The following POLD1 variants were observed in gnomAD, a reference collection of about 807,000 sequenced individuals.
POLD1 encodes the protein DNA polymerase delta catalytic subunit.
In POLD1, 79 loss-of-function variants were observed where a neutral mutation model predicts 129.7. That is an observed-to-expected ratio of 0.61 (90% CI 0.51 to 0.73). The LOEUF is 0.73. Ranked by LOEUF, POLD1 falls within the 30% of genes least tolerant of loss-of-function variation. The probability of loss-of-function intolerance (pLI) is 0.00; values close to 1 mark genes in which losing one functional copy is unlikely to be tolerated. For synonymous variants in POLD1, 714 were observed against 683.3 expected (o/e 1.04, Z -0.70); for missense variants, 1,338 against 1,595.8 (o/e 0.84, Z 2.75).
chr19:50,401,349 GTGTATT>G (rs2038596917), intron 3 of POLD1, among the ~76,000 whole-genome samples: 1 of 113,740 alleles, frequency 8.8e-6, no homozygotes, highest in South Asian at 2.9e-4. Context: ...TAATATGTGT[GTGTATT>G]TGTGTATATG....
Position 50,415,545 on chromosome 19 carries a change from C to T in POLD1, c.2672C>T (p.Ala891Val). The part of the protein sequence containing the change: ...LVITKELTRA[A>V]SDYAGKQAHV... ...ATCACCAAGGAGCTGACCCGCGCGGCCTCCGACTATGCCGGCAAGCAGGCC... is the reference window on the plus strand; with the variant it reads ...ATCACCAAGGAGCTGACCCGCGCGGTCTCCGACTATGCCGGCAAGCAGGCC... Residue 891 changes from alanine (A) to valine (V), a missense_variant, in exon 21 of 27, where the codon GCC becomes GTC. Physicochemically the swap from Ala to Val is moderately conservative, Grantham distance 64. Transcript: ENST00000440232. 1 of 1,612,946 alleles carries T rather than the reference C, an allele frequency of 6.2e-7. No homozygotes were observed. Among genetic ancestry groups the T allele is most frequent in the Non-Finnish European group, 8.5e-7 (1 of 1,179,684 alleles).
intron 22 of POLD1, 143 bp from the exon 23 acceptor site, chr19:50,416,253 C>A: frequency 1.3e-6 from 1 of 798,968 alleles, no homozygotes; most frequent in Non-Finnish European, 2.0e-6. Context: ...CCGTGACCTC[C>A]GACCCCATCC....
Position 50,406,146 on chromosome 19 carries a change from C to T in POLD1, c.1243-36C>T, listed in dbSNP as rs1568625955. The T allele has an allele frequency of 6.3e-6, 10 of 1,599,676 alleles. No homozygotes were observed. The highest frequency in any genetic ancestry group is 2.2e-5 in the East Asian group (1 of 44,548). On this transcript the variant is annotated intron_variant, in intron 10 of 26. Coordinates refer to ENST00000440232, the MANE Select transcript of POLD1 (RefSeq NM_002691.4). This position sits in a 1 kb window ranked among gnomAD's most constrained non-coding sequence, Gnocchi z 5.5. ...TTCTTCAGGCTTATGTGACGGGGAC[C>T]CGCAGCCTGCTGCACACCCTGCCTC...
At chr19:50,399,636 A>G in intron 3 of POLD1, 152 bp downstream of exon 3, 1 of 638,844 alleles carries the variant, frequency 1.6e-6, no homozygotes, top group Non-Finnish European at 2.9e-6. Context: ...ATAGAGCTGT[A>G]GTGACAGAAC....
At chr19:50,392,773 A>C (rs1467271729) in intron 1 of POLD1, among the ~76,000 whole-genome samples, 1 of 152,230 alleles carries the variant, frequency 6.6e-6, no homozygotes, top group Non-Finnish European at 1.5e-5. Context: ...CACTGCACCC[A>C]GGCTGTTTGT....
intron 22 of POLD1, chr19:50,416,151 T>A: frequency 1.7e-6 from 1 of 581,178 alleles, no homozygotes; most frequent in South Asian, 2.1e-5. Context: ...ACCTCTGACC[T>A]CCTGACCCCT....
chr19:50,393,186 G>A (rs2038230621), intron 1 of POLD1, among the ~76,000 whole-genome samples: 1 of 152,124 alleles, frequency 6.6e-6, no homozygotes, highest in African/African-American at 2.4e-5. Flanking sequence ...CCATGCCCAG[G>A]TCTCCAGTGT....
At chr19:50,399,586 G>C in intron 3 of POLD1, 102 bp downstream of exon 3, 2 of 836,202 alleles carry the variant, frequency 2.4e-6, no homozygotes, top group Non-Finnish European at 4.0e-6. Flanking sequence ...GGCAGAGGCC[G>C]GGCCAGGTCA....
At chr19:50,399,187 C>T in intron 2 of POLD1, 134 bp downstream of exon 2, 8 of 1,362,892 alleles carry the variant, frequency 5.9e-6, no homozygotes, top group Non-Finnish European at 8.2e-6. Flanking sequence ...GACTGCCCTT[C>T]CACCCCGTGC....
chr19:50,414,761 A>C, intron 19 of POLD1, 54 bp from the exon 20 acceptor site: 1 of 1,387,354 alleles, frequency 7.2e-7, no homozygotes, highest in Non-Finnish European at 9.6e-7. Context: ...GGGCGTCTCC[A>C]GATTGGGGCT....
intron 3 of POLD1, among the ~76,000 whole-genome samples, chr19:50,401,387 A>ATT (rs1568617946): frequency 1.5e-4 from 9 of 59,166 alleles, no homozygotes; most frequent in South Asian, 4.6e-4. Flanking sequence ...ATATATATAT[A>ATT]TATATTTTTT....
chr19:50,391,110 A>AGACGGGGTCGCGGCCG (rs1568606946), intron 1 of POLD1, among the ~76,000 whole-genome samples: 4 of 137,662 alleles, frequency 2.9e-5, no homozygotes, highest in African/African-American at 1.3e-4. Flanking sequence ...GGTGGCGGCC[A>AGACGGGGTCGCGGCCG]GGCAGAGGCG....
Position 50,409,259 on chromosome 19 carries a change from T to A in POLD1, c.2006+24T>A, listed in dbSNP as rs370059271. The stretch of plus-strand genomic sequence containing the variant: ...AGGTGAGCCCTGGAGATCGCCTGCT[T>A]GGAGCTCAGACCTGTTGGGGCCTCT... On this transcript the variant is annotated intron_variant, in intron 16 of 26. Coordinates refer to ENST00000440232, the MANE Select transcript of POLD1 (RefSeq NM_002691.4). This position sits in a 1 kb window ranked among gnomAD's most constrained non-coding sequence, Gnocchi z 5.8. 50 of 1,522,248 alleles carry A rather than the reference T, an allele frequency of 3.3e-5. No individual in the cohort carries two copies. In the African/African-American group the frequency reaches 6.6e-4, roughly 20 times the overall value. 94.3% of individuals were successfully genotyped at this position (1,522,248 alleles called of 1,614,324 possible).
At chr19:50,413,254 C>T (rs527898448) in intron 17 of POLD1, among the ~76,000 whole-genome samples, 172 bp from the exon 18 acceptor site, 3 of 152,288 alleles carry the variant, frequency 2.0e-5, no homozygotes, top group Non-Finnish European at 2.9e-5. Context: ...TGAGGAGCCG[C>T]CTTATAGTCC....
chr19:50,393,627 C>A (rs774927559), intron 1 of POLD1, among the ~76,000 whole-genome samples: 1 of 152,186 alleles, frequency 6.6e-6, no homozygotes, highest in African/African-American at 2.4e-5. Context: ...GATCATGCCA[C>A]TGCACTCTAG....
chr19:50,393,953 AATT>A (rs1296161264), intron 1 of POLD1: 3 of 152,196 alleles, frequency 2.0e-5, no homozygotes, highest in African/African-American at 7.2e-5. Flanking sequence ...ATCAGTTCAG[AATT>A]TTTCCATGCT....
chr19:50,385,652 C>G (rs2037944232), intron 1 of POLD1, among the ~76,000 whole-genome samples: 1 of 151,940 alleles, frequency 6.6e-6, no homozygotes, highest in Non-Finnish European at 1.5e-5. Flanking sequence ...CCTCAGCCTC[C>G]TGAGTAGCTG....
At chr19:50,411,060 T>C (rs991238592) in intron 17 of POLD1, 1 of 148,882 alleles carries the variant, frequency 6.7e-6, no homozygotes, top group African/African-American at 2.5e-5. Flanking sequence ...GGGACTCAGG[T>C]GAGCCTCCCA....
At chr19:50,417,522 G>A (rs62113958) in intron 26 of POLD1, among the ~76,000 whole-genome samples, 2 of 152,244 alleles carry the variant, frequency 1.3e-5, no homozygotes, top group South Asian at 2.1e-4. Flanking sequence ...CTGTCCTCCC[G>A]ACACACCCAG....
Sources: gnomAD v4.1 joint callset for allele counts (sites outside exome capture counted in the v4.1 genomes callset) on GRCh38, gnomAD v4.1.1 for gene constraint, Gnocchi (gnomAD v3.1) non-coding constraint, MANE v1.5 for transcripts, NCBI Gene and HGNC (gene_info 2026-07-23, HGNC 2026-07-21) for gene names.